The following MAST3 variants were observed in gnomAD, a reference collection of about 807,000 sequenced individuals.
MAST3 encodes microtubule associated serine/threonine kinase 3.
A neutral mutation model predicts 127.0 loss-of-function variants in MAST3; 43 were observed. That is an observed-to-expected ratio of 0.34 (90% confidence interval 0.27 to 0.44). The LOEUF (loss-of-function observed/expected upper bound fraction) is 0.44, where lower values mean the gene tolerates loss of function less well. Ranked by LOEUF, MAST3 falls within the 20% of genes least tolerant of loss-of-function variation. The pLI, the probability that MAST3 is intolerant of heterozygous loss-of-function variation, is 1.00. For synonymous variants in MAST3, 785 were observed against 809.2 expected (o/e 0.97, Z 0.51); for missense variants, 1,390 against 1,919.1 (o/e 0.72, Z 5.15).
intron 20 of MAST3, 141 bp from the exon 21 acceptor site, chr19:18,141,741 A>T: frequency 1.8e-6 from 1 of 565,196 alleles, no homozygotes; most frequent in Non-Finnish European, 2.7e-6. Context: ...TCTTTTTTTG[A>T]GACAGGGTTT....
In MAST3 at chr19:18,112,333, G is replaced by T. The variant is rs997345821; in HGVS notation, c.161+1592G>T. On this transcript the variant is annotated intron_variant, in intron 3 of 27. Transcript: ENST00000687212. This position sits in a 1 kb window ranked among gnomAD's most constrained non-coding sequence, Gnocchi z 4.1. ...TGCCACCACGCCCGGCTAATTTTTT[G>T]TTTGTTTGTTTGTTTGTTTGAGAAG... Among the ~76,000 whole-genome samples the T allele has an allele frequency of 1.9e-4, 29 of 151,968 alleles. No individual in the cohort carries two copies. The highest frequency in any genetic ancestry group is 7.0e-4 in the African/African-American group (29 of 41,368).
intron 3 of MAST3, among the ~76,000 whole-genome samples, chr19:18,119,931 C>A (rs761345711): frequency 1.3e-5 from 2 of 152,224 alleles, no homozygotes; most frequent in Admixed American, 1.3e-4. Flanking sequence ...TCTCCCGCCG[C>A]TGAGCTGCGT....
chr19:18,133,987 G>A (rs190906117), intron 15 of MAST3, among the ~76,000 whole-genome samples: 3 of 152,184 alleles, frequency 2.0e-5, no homozygotes, highest in Admixed American at 6.6e-5. Context: ...TCGCATTTCC[G>A]TGCACCTTCT....
intron 27 of MAST3, among the ~76,000 whole-genome samples, chr19:18,148,893 A>C (rs576222347): frequency 1.4e-5 from 1 of 70,540 alleles, no homozygotes; most frequent in East Asian, 4.5e-4. Context: ...ACAGAGCGAG[A>C]CTCTATTGAA....
At position 18,144,078 on chromosome 19, in the gene MAST3, T is replaced by C. The variant is rs909520764; in HGVS notation, c.2584+71T>C. ...CAGAGGAGGGGCTATTTGAGATGGG[T>C]TTTCAAGGATGAGTAGGAGTTCTCC... On this transcript the variant is annotated intron_variant, in intron 22 of 27. Transcript: ENST00000687212. This position sits in a 1 kb window ranked among gnomAD's most constrained non-coding sequence, Gnocchi z 4.0. The C allele has an allele frequency of 6.6e-7, 1 of 1,514,822 alleles. No homozygotes were observed. The highest frequency in any genetic ancestry group is 1.4e-5 in the African/African-American group (1 of 71,932). 93.8% of individuals were successfully genotyped at this position (1,514,822 alleles called of 1,614,324 possible).
Position 18,134,907 on chromosome 19 carries a change from C to T in MAST3, c.1795C>T (p.Leu599Phe). ...GGACTGGTGGGCCATGGGCGTCGTC[C>T]TCTATGAGTTTCTGGTGGGCTGCGT... ...PVDWWAMGVV[L>F]YEFLVGCVPF... The change falls in exon 17 of 28, where the codon CTC becomes TTC. Residue 599 changes from leucine to phenylalanine, a missense_variant. Leu to Phe is a conservative substitution (Grantham distance 22). This residue lies in a region of MAST3 where 191 missense variants were observed against 409.0 expected (regional missense o/e 0.47). Transcript: ENST00000687212. 6.2e-7 allele frequency: 1 copy of T among 1,614,060 alleles called. No individual in the cohort carries two copies. Among genetic ancestry groups the T allele is most frequent in the Non-Finnish European group, 8.5e-7 (1 of 1,179,940 alleles).
At chr19:18,147,402 C>T (rs2043143090) in intron 26 of MAST3, 41 bp from the exon 27 acceptor site, 1 of 1,590,646 alleles carries the variant, frequency 6.3e-7, no homozygotes, top group African/African-American at 1.3e-5. Flanking sequence ...CATGCCTGGC[C>T]AGGAGCAGGG....
intron 3 of MAST3, among the ~76,000 whole-genome samples, chr19:18,119,090 A>G (rs919919432): frequency 6.6e-6 from 1 of 152,094 alleles, no homozygotes; most frequent in African/African-American, 2.4e-5. Flanking sequence ...TCAAATGGCA[A>G]CTTCTCGAGG....
chr19:18,130,252 AC>A (rs1296343144), intron 13 of MAST3, among the ~76,000 whole-genome samples: 1 of 152,166 alleles, frequency 6.6e-6, no homozygotes, highest in African/African-American at 2.4e-5. Context: ...AAAGAAACAT[AC>A]AACCTAGAGG....
At chr19:18,111,675 T>C (rs1237930264) in intron 3 of MAST3, among the ~76,000 whole-genome samples, 4 of 151,760 alleles carry the variant, frequency 2.6e-5, no homozygotes, top group African/African-American at 9.7e-5. Context: ...GCAGGGACTA[T>C]AGGCACCTAC....
chr19:18,107,646 G>C (rs1319695606), intron 2 of MAST3, 28 bp downstream of exon 2: 1 of 1,609,204 alleles, frequency 6.2e-7, no homozygotes, highest in Admixed American at 1.7e-5. Flanking sequence ...TGGCGGGCTG[G>C]GTGGGCCCCA....
chr19:18,147,513 G>A lies in MAST3; in HGVS notation c.3397G>A (p.Gly1133Arg). 1 of 1,612,064 alleles carries A rather than the reference G, an allele frequency of 6.2e-7. No individual in the cohort carries two copies. The highest frequency in any genetic ancestry group is 8.5e-7 in the Non-Finnish European group (1 of 1,179,096). ...VLHTSRSFSS[G>R]LHHSLSSSES... ...GCACACCAGCCGCAGCTTCTCCTCC[G>A]GACTCCACCACTCACTGTCATCCAG... The change falls in exon 27 of 28, where the codon GGA becomes AGA. Residue 1133 changes from glycine (G) to arginine (R), a missense_variant. Around this residue, in one of 5 missense-constraint regions of MAST3, gnomAD observed 816 missense variants for 934.1 expected, o/e 0.87. Transcript: ENST00000687212.
chr19:18,124,502 C>A, intron 10 of MAST3, 136 bp downstream of exon 10: 2 of 1,338,568 alleles, frequency 1.5e-6, no homozygotes, highest in East Asian at 5.1e-5. Flanking sequence ...ATTGGGCTAG[C>A]GTGGGCTTCC....
chr19:18,107,727 A>G (rs558333728), intron 2 of MAST3, 109 bp downstream of exon 2: 85 of 1,166,550 alleles, frequency 7.3e-5, no homozygotes, highest in Non-Finnish European at 1.0e-4. Flanking sequence ...ACAGCAACAC[A>G]TCTCATGTTC....
At chr19:18,121,963 G>A (rs372809500) in intron 5 of MAST3, 41 bp downstream of exon 5, 13 of 1,609,900 alleles carry the variant, frequency 8.1e-6, no homozygotes, top group Middle Eastern at 1.6e-4. Context: ...CGGGCACCAC[G>A]GGCAAGGGTT....
In MAST3 at chr19:18,145,182, G is replaced by A. The variant is rs1309674057; in HGVS notation, c.2992G>A (p.Val998Ile). 9 of 1,613,794 alleles carry A rather than the reference G, an allele frequency of 5.6e-6. No individual in the cohort carries two copies. Among genetic ancestry groups the A allele is most frequent in the Non-Finnish European group, 7.6e-6 (9 of 1,179,854 alleles). ...KYGFSLRAIR[V>I]YMGDSDVYTV... Reference sequence around the variant, plus strand: ...CGGCTTCAGCCTGCGGGCGATCCGCGTCTACATGGGTGATAGCGACGTCTA... The same window carrying A: ...CGGCTTCAGCCTGCGGGCGATCCGCATCTACATGGGTGATAGCGACGTCTA... Residue 998 changes from valine to isoleucine, a missense_variant, in exon 24 of 28, where the codon GTC becomes ATC. Physicochemically the swap from Val to Ile is conservative, Grantham distance 29 (BLOSUM62 3). Around this residue, in one of 5 missense-constraint regions of MAST3, gnomAD observed 816 missense variants for 934.1 expected, o/e 0.87. Transcript: ENST00000687212. This position sits in a 1 kb window ranked among gnomAD's most constrained non-coding sequence, Gnocchi z 5.9.
In MAST3 at chr19:18,122,662, C is replaced by T. The variant is rs1294980879; in HGVS notation, c.321-11C>T. ...GGCCTTCCTTCCATCTGTTCTTGTT[C>T]CCCTCTCCAGGGCAGACGGCAGAAG... On this transcript the variant is annotated splice_polypyrimidine_tract_variant and intron_variant, in intron 5 of 27. Coordinates refer to ENST00000687212, the MANE Select transcript of MAST3 (RefSeq NM_001393504.1). The T allele has an allele frequency of 1.9e-6, 3 of 1,610,726 alleles. No homozygotes were observed. In the African/African-American group the frequency reaches 4.0e-5, roughly 22 times the overall value.
rs770936062 is a variant in MAST3 at position 18,141,972 on chromosome 19, C to T, written c.2296C>T (p.Arg766Cys). The T allele has an allele frequency of 7.7e-6, 12 of 1,550,316 alleles. No homozygotes were observed. Among genetic ancestry groups the T allele is most frequent in the South Asian group, 2.5e-5 (2 of 80,886 alleles). ...TGAAGACCGGGAGGAGGGGTGGGAG[C>T]GCAGCGAAGTGGACTATGGCCGCCG... ...FSEDREEGWE[R>C]SEVDYGRRLS... The change falls in exon 21 of 28, where the codon CGC becomes TGC. Residue 766 changes from arginine to cysteine, a missense_variant. Physicochemically the swap from Arg to Cys is radical, Grantham distance 180. This residue lies in a region of MAST3 where 816 missense variants were observed against 934.1 expected (regional missense o/e 0.87). Coordinates refer to ENST00000687212, the MANE Select transcript of MAST3 (RefSeq NM_001393504.1).
At chr19:18,120,341 GT>G (rs1414250458) in intron 3 of MAST3, among the ~76,000 whole-genome samples, 4 of 152,134 alleles carry the variant, frequency 2.6e-5, no homozygotes, top group Non-Finnish European at 5.9e-5. Flanking sequence ...GGGCTCCAGG[GT>G]GTGTTTGGTT....
Sources: gnomAD v4.1 joint callset for allele counts (sites outside exome capture counted in the v4.1 genomes callset) on GRCh38, gnomAD v4.1.1 for gene constraint, gnomAD v4.1.1 regional missense constraint, Gnocchi (gnomAD v3.1) non-coding constraint, MANE v1.5 for transcripts, NCBI Gene and HGNC (gene_info 2026-07-23, HGNC 2026-07-21) for gene names.